The following CRACD variants were observed in gnomAD, a reference collection of about 807,000 sequenced individuals.
The protein encoded by CRACD is capping protein-inhibiting regulator of actin dynamics.
CRACD carries 56 observed loss-of-function variants against 106.8 expected under a neutral mutation model. That is an observed-to-expected ratio of 0.52 (90% CI 0.42 to 0.66). The LOEUF (loss-of-function observed/expected upper bound fraction) is 0.66, where lower values mean the gene tolerates loss of function less well. Ranked by LOEUF, CRACD falls within the 30% of genes least tolerant of loss-of-function variation. The pLI is 0.00. For missense variants in CRACD, 1,730 were observed against 1,623.2 expected, an observed-to-expected ratio of 1.07 and a Z score of -1.13; for synonymous variants, 754 against 670.8, an observed-to-expected ratio of 1.12 and a Z score of -1.92.
At chr4:56,170,874 A>G (rs1736335211) in intron 1 of CRACD, among the ~76,000 whole-genome samples, 1 of 152,130 alleles carries the variant, frequency 6.6e-6, no homozygotes, top group East Asian at 1.9e-4. Context: ...GGGAGTCATC[A>G]TGTGTTTTGT....
intron 1 of CRACD, among the ~76,000 whole-genome samples, chr4:56,051,289 G>A (rs1241728205): frequency 6.6e-6 from 1 of 152,162 alleles, no homozygotes; most frequent in Non-Finnish European, 1.5e-5. Flanking sequence ...TTTACTGAAG[G>A]CCTACTGTGT....
chr4:56,137,516 G>A (rs1400964936), intron 1 of CRACD, among the ~76,000 whole-genome samples: 3 of 152,074 alleles, frequency 2.0e-5, no homozygotes, highest in Admixed American at 6.5e-5. Flanking sequence ...CTTCTCTCAG[G>A]GGTCACTGCC....
chr4:56,262,317 G>T (rs141510087), intron 2 of CRACD, among the ~76,000 whole-genome samples: 4 of 152,152 alleles, frequency 2.6e-5, no homozygotes, highest in Admixed American at 6.5e-5. Flanking sequence ...GTATCCAGAA[G>T]GTCTTTGGGG....
chr4:56,124,969 T>C (rs1045238746), intron 1 of CRACD, among the ~76,000 whole-genome samples: 6 of 152,208 alleles, frequency 3.9e-5, no homozygotes, highest in African/African-American at 1.2e-4. Flanking sequence ...TATTTAATGA[T>C]ATGCTTTAAT....
chr4:56,114,401 A>G (rs899644066), intron 1 of CRACD, among the ~76,000 whole-genome samples: 2 of 152,040 alleles, frequency 1.3e-5, no homozygotes, highest in Admixed American at 6.6e-5. Context: ...AGATACTCCA[A>G]TGACTTCTGC....
intron 1 of CRACD, among the ~76,000 whole-genome samples, chr4:56,178,447 C>T (rs547592897): frequency 6.6e-6 from 1 of 152,204 alleles, no homozygotes. Context: ...CGTGGCCTTT[C>T]ATGCCCTGGC....
At chr4:56,122,309 C>CAA (rs33942884) in intron 1 of CRACD, among the ~76,000 whole-genome samples, 2 of 109,554 alleles carry the variant, frequency 1.8e-5, no homozygotes, top group Non-Finnish European at 4.2e-5. Flanking sequence ...AATTGTAGAC[C>CAA]AAAAAAAAAA....
In CRACD at chr4:56,314,776, A is replaced by C; in HGVS notation, c.1274A>C (p.Asp425Ala). 1 of 1,597,052 alleles carries C rather than the reference A, an allele frequency of 6.3e-7. No homozygotes were observed. The highest frequency in any genetic ancestry group is 8.5e-7 in the Non-Finnish European group (1 of 1,173,198). ...GGGCAGCTCAGTGAGCTTCTGAACG[A>C]CTTTGAGGAGAGGCTCGAAGACCAG... ...WRGQLSELLN[D>A]FEERLEDQER... Residue 425 changes from aspartate to alanine, a missense_variant, in exon 8 of 11, where the codon GAC (aspartate) becomes GCC (alanine). Physicochemically the swap from Asp to Ala is moderately radical, Grantham distance 126 (BLOSUM62 -2). This residue lies in a region of CRACD where 1,620 missense variants were observed against 1,481.6 expected (regional missense o/e 1.09). Transcript: ENST00000682029. The surrounding 1 kb of genome is among the most constrained non-coding windows in gnomAD (Gnocchi z 4.4).
chr4:56,273,001 G>C lies in CRACD; in HGVS notation c.-17+509G>C, dbSNP rs113331786. The stretch of plus-strand genomic sequence containing the variant: ...GTCACCTTGGGGAGTTATCAAATGA[G>C]TCTGACCTCATTTTCTGGGAGTGCA... On this transcript the variant is annotated intron_variant, in intron 3 of 10. Transcript: ENST00000682029. 4.1e-4 allele frequency among the ~76,000 whole-genome samples: 63 copies of C among 152,086 alleles called. 1 individual carries two copies. The highest frequency in any genetic ancestry group is 1.3e-3 in the African/African-American group (55 of 41,486).
At chr4:56,152,730 G>T (rs1166745962) in intron 1 of CRACD, among the ~76,000 whole-genome samples, 2 of 151,540 alleles carry the variant, frequency 1.3e-5, no homozygotes, top group Non-Finnish European at 2.9e-5. Context: ...AAGTATTTTT[G>T]GCCAGTGAGA....
Position 56,221,781 on chromosome 4 carries a change from A to G in CRACD, c.-189+42351A>G, listed in dbSNP as rs189267129. 3.2e-4 allele frequency among the ~76,000 whole-genome samples: 49 copies of G among 152,358 alleles called. 1 individual carries two copies. In the East Asian group the frequency reaches 7.7e-3, roughly 24 times the overall value. On this transcript the variant is annotated intron_variant, in intron 2 of 10. Coordinates refer to ENST00000682029, the MANE Select transcript of CRACD (RefSeq NM_001393381.1). ...TACAAATGGCCAAGAAACATGTGAA[A>G]AAAGGCCCACTATTACTAATTATTA...
intron 2 of CRACD, among the ~76,000 whole-genome samples, chr4:56,259,038 G>A (rs889970582): frequency 6.6e-6 from 1 of 152,210 alleles, no homozygotes; most frequent in African/African-American, 2.4e-5. Flanking sequence ...ATTAACAAGA[G>A]CGAGTCTGGT....
At position 56,070,483 on chromosome 4, in the gene CRACD, T is replaced by C. The variant is rs1364122459; in HGVS notation, c.-336+21184T>C. Among the ~76,000 whole-genome samples, 4 of 152,246 alleles carry C rather than the reference T, an allele frequency of 2.6e-5. No homozygotes were observed. In the East Asian group the frequency reaches 7.7e-4, roughly 29 times the overall value. ...TCCGGCTAATTTTTTGTATTTTTAG[T>C]AGAGACGGGGTTTCACCGTAGTCTC... On this transcript the variant is annotated intron_variant, in intron 1 of 10. Coordinates refer to ENST00000682029, the MANE Select transcript of CRACD (RefSeq NM_001393381.1).
intron 4 of CRACD, among the ~76,000 whole-genome samples, chr4:56,301,906 A>G (rs765274777): frequency 7.2e-5 from 11 of 152,158 alleles, no homozygotes; most frequent in Non-Finnish European, 1.6e-4. Flanking sequence ...CAGAGTGAAA[A>G]CAAATTTTAA....
At chr4:56,230,211 T>G (rs896986333) in intron 2 of CRACD, among the ~76,000 whole-genome samples, 7 of 152,196 alleles carry the variant, frequency 4.6e-5, no homozygotes, top group Non-Finnish European at 1.0e-4. Context: ...GTTTGACATC[T>G]TAATCTTCTT....
At chr4:56,280,191 T>C (rs1432180009) in intron 3 of CRACD, among the ~76,000 whole-genome samples, 4 of 150,966 alleles carry the variant, frequency 2.6e-5, no homozygotes, top group African/African-American at 9.7e-5. Flanking sequence ...ATACCTAATG[T>C]TAAATGACGA....
Position 56,218,308 on chromosome 4 carries a change from C to T in CRACD, c.-189+38878C>T, listed in dbSNP as rs1443420792. ...TTTTTTTCAAGTAGAGACAGGGTCT[C>T]ACTATGTTATCCAGGCTGCTCTCAA... is the stretch of plus-strand genomic sequence containing the variant. On this transcript the variant is annotated intron_variant, in intron 2 of 10. Transcript: ENST00000682029. Among the ~76,000 whole-genome samples the T allele has an allele frequency of 2.6e-5, 4 of 152,028 alleles. No homozygotes were observed. The East Asian group carries it at 7.7e-4, about 29-fold the overall frequency.
intron 1 of CRACD, among the ~76,000 whole-genome samples, chr4:56,083,740 T>C (rs1577952130): frequency 6.6e-6 from 1 of 151,846 alleles, no homozygotes; most frequent in African/African-American, 2.4e-5. Context: ...TTTGGGAGGG[T>C]TGAGGCAGGT....
At chr4:56,123,518 G>A (rs1281103663) in intron 1 of CRACD, among the ~76,000 whole-genome samples, 1 of 152,136 alleles carries the variant, frequency 6.6e-6, no homozygotes, top group East Asian at 1.9e-4. Context: ...GCCTTCCAAA[G>A]CCCCATCTCC....
Sources: allele counts gnomAD v4.1 joint callset (sites outside exome capture counted in the v4.1 genomes callset), GRCh38; gene constraint gnomAD v4.1.1; regional missense constraint gnomAD v4.1.1; non-coding constraint Gnocchi (gnomAD v3.1); transcripts MANE v1.5; gene names NCBI Gene and HGNC (gene_info 2026-07-23, HGNC 2026-07-21).